The following HIVEP2 variants were observed in gnomAD, a reference collection of about 807,000 sequenced individuals.
The protein encoded by HIVEP2 is HIVEP zinc finger 2, also known as transcription factor HIVEP2.
A neutral mutation model predicts 180.7 loss-of-function variants in HIVEP2; 14 were observed. The ratio of observed to expected loss-of-function variants is 0.08; its 90% confidence interval spans 0.05 to 0.12. The LOEUF (loss-of-function observed/expected upper bound fraction) is 0.12. HIVEP2 is among the 10% of genes least tolerant of loss of function. The probability of loss-of-function intolerance (pLI) is 1.00; values close to 1 mark genes in which losing one functional copy is unlikely to be tolerated. For synonymous variants in HIVEP2, 1,184 were observed against 1,136.4 expected, an observed-to-expected ratio of 1.04 and a Z score of -0.84; for missense variants, 2,579 against 3,008.5, an observed-to-expected ratio of 0.86 and a Z score of 3.34.
chr6:142,857,864 G>A (rs561777966), intron 1 of HIVEP2, among the ~76,000 whole-genome samples: 4 of 152,186 alleles, frequency 2.6e-5, no homozygotes, highest in Admixed American at 6.5e-5. Flanking sequence ...GGGAAGCCAC[G>A]GGGCTGCGGG....
At chr6:142,944,472 T>C in intron 1 of HIVEP2, among the ~76,000 whole-genome samples, 1 of 150,086 alleles carries the variant, frequency 6.7e-6, no homozygotes, top group Non-Finnish European at 1.5e-5. Context: ...AATGTTTTCC[T>C]GTCTCACCCC....
chr6:142,899,739 T>C (rs900769767), intron 1 of HIVEP2, among the ~76,000 whole-genome samples: 3 of 152,188 alleles, frequency 2.0e-5, no homozygotes, highest in African/African-American at 7.2e-5. Flanking sequence ...TGCAGGAACA[T>C]AGCATCCTCC....
At chr6:142,756,121 G>A (rs1775061275) in intron 9 of HIVEP2, among the ~76,000 whole-genome samples, 1 of 152,194 alleles carries the variant, frequency 6.6e-6, no homozygotes, top group African/African-American at 2.4e-5. Context: ...ATACACATAT[G>A]TACAAATGTA....
chr6:142,861,735 T>C (rs954363385), intron 1 of HIVEP2, among the ~76,000 whole-genome samples: 3 of 152,172 alleles, frequency 2.0e-5, no homozygotes, highest in Non-Finnish European at 2.9e-5. Flanking sequence ...AAGTTGTCAG[T>C]CCCACACTTT....
Position 142,770,244 on chromosome 6 carries a change from C to T in HIVEP2, c.4495G>A (p.Gly1499Arg), listed in dbSNP as rs1775492206. 6 of 1,614,226 alleles carry T rather than the reference C, an allele frequency of 3.7e-6. No individual in the cohort carries two copies. Among genetic ancestry groups the T allele is most frequent in the Non-Finnish European group, 5.1e-6 (6 of 1,180,034 alleles). ...CCATCTTTTGGCTCAGAAGCACATCCTTGTCGAACCAGCTGGGGTTTCTGG... is the reference window on the plus strand; with the variant it reads ...CCATCTTTTGGCTCAGAAGCACATCTTTGTCGAACCAGCTGGGGTTTCTGG... ...RPQKPQLVRQ[G>R]CASEPKDGLQ... The change falls in exon 5 of 10, where the codon GGA becomes AGA. Residue 1499 changes from glycine (G) to arginine (R), a missense_variant. This residue lies in a region of HIVEP2 where 349 missense variants were observed against 367.2 expected (regional missense o/e 0.95). Coordinates refer to ENST00000367603, the MANE Select transcript of HIVEP2 (RefSeq NM_006734.4). The surrounding 1 kb of genome is among the most constrained non-coding windows in gnomAD (Gnocchi z 4.7).
chr6:142,770,212 C>T lies in HIVEP2; in HGVS notation c.4527G>A (p.Gln1509=), dbSNP rs779634797. ...GCGAGGAGAAGGAAGATGACCCTGA[C>T]TGCAAGCCATCTTTTGGCTCAGAAG... The part of the protein sequence containing the change: ...GCASEPKDGL[Q]SGSSSFSSLS... Residue 1509 remains glutamine (Q), a synonymous_variant, in exon 5 of 10, where the codon CAG becomes CAA. Coordinates refer to ENST00000367603, the MANE Select transcript of HIVEP2 (RefSeq NM_006734.4). This position sits in a 1 kb window ranked among gnomAD's most constrained non-coding sequence, Gnocchi z 4.7. 7 of 1,614,110 alleles carry T rather than the reference C, an allele frequency of 4.3e-6. No individual in the cohort carries two copies. Among genetic ancestry groups the T allele is most frequent in the South Asian group, 3.3e-5 (3 of 91,092 alleles).
Position 142,771,433 on chromosome 6 carries a change from G to C in HIVEP2, c.3306C>G (p.Ser1102Arg). Residue 1102 changes from serine to arginine, a missense_variant, in exon 5 of 10, where the codon AGC becomes AGG. By Grantham distance (110) the Ser-to-Arg change is moderately radical. Around this residue, in one of 11 missense-constraint regions of HIVEP2, gnomAD observed 523 missense variants for 577.0 expected, o/e 0.91. Coordinates refer to ENST00000367603, the MANE Select transcript of HIVEP2 (RefSeq NM_006734.4). This position sits in a 1 kb window ranked among gnomAD's most constrained non-coding sequence, Gnocchi z 5.4. ...GGTGCTCCAGCTGCTCTTGCTTCAC[G>C]CTCTGATCCATGCCAACCTCGCCCT... ...ISQGEVGMDQ[S>R]VKQEQLEHLH... 6.2e-7 allele frequency: 1 copy of C among 1,613,518 alleles called. No individual in the cohort carries two copies. The highest frequency in any genetic ancestry group is 8.5e-7 in the Non-Finnish European group (1 of 1,180,028).
rs1009798032 is a variant in HIVEP2 at position 142,861,631 on chromosome 6, A to G, written c.-640-24584T>C. 1.1e-4 allele frequency among the ~76,000 whole-genome samples: 17 copies of G among 152,296 alleles called. No individual in the cohort carries two copies. In the East Asian group the frequency reaches 3.1e-3, roughly 28 times the overall value. On this transcript the variant is annotated intron_variant, in intron 1 of 9. Transcript: ENST00000367603. ...GTAATATCCCAAATTTAACACTCCA[A>G]AAGAATCTGTTTGGGCTTTCTTTCC...
chr6:142,857,037 T>G (rs904331199), intron 1 of HIVEP2, among the ~76,000 whole-genome samples: 3 of 152,228 alleles, frequency 2.0e-5, no homozygotes, highest in Non-Finnish European at 4.4e-5. Context: ...TTTCTCATGT[T>G]GTTCAGAAAC....
chr6:142,858,591 TTAAA>T (rs967568888), intron 1 of HIVEP2, among the ~76,000 whole-genome samples: 7 of 152,186 alleles, frequency 4.6e-5, no homozygotes, highest in African/African-American at 1.4e-4. Context: ...TATTTTTTAA[TTAAA>T]TAAATTTTTT....
chr6:142,763,010 G>C (rs1221038964), intron 7 of HIVEP2, among the ~76,000 whole-genome samples: 3 of 152,202 alleles, frequency 2.0e-5, no homozygotes, highest in Non-Finnish European at 4.4e-5. Flanking sequence ...ACTTGTGCCA[G>C]AGTGCAAGTA....
chr6:142,805,412 C>T (rs1776523083), intron 2 of HIVEP2, among the ~76,000 whole-genome samples: 1 of 148,500 alleles, frequency 6.7e-6, no homozygotes, highest in Non-Finnish European at 1.5e-5. Context: ...AAGCCAGATC[C>T]CAACACTGCC....
At chr6:142,873,486 C>T (rs767624460) in intron 1 of HIVEP2, among the ~76,000 whole-genome samples, 3 of 152,130 alleles carry the variant, frequency 2.0e-5, no homozygotes, top group East Asian at 1.9e-4. Context: ...CTTACATATA[C>T]GAAGTGTCTT....
intron 1 of HIVEP2, among the ~76,000 whole-genome samples, chr6:142,890,425 G>C (rs1776828787): frequency 1.3e-5 from 2 of 152,174 alleles, no homozygotes; most frequent in Admixed American, 6.5e-5. Flanking sequence ...ATTCATTGAA[G>C]GTAGAAACGA....
rs369750026 is a variant in HIVEP2, at chr6:142,771,838, G to C, written c.2901C>G (p.Pro967=). The C allele has an allele frequency of 1.1e-5, 17 of 1,614,214 alleles. No homozygotes were observed. The African/African-American group carries it at 2.3e-4, about 22-fold the overall frequency. ...TGTGGGACAAGTTGCTTTCTTGGCT[G>C]GGGCTGCGGGAGAGGCCTGTGCCTG... The part of the protein sequence containing the change: ...ESTGTGLSRS[P]SQESNLSHSS... The change falls in exon 5 of 10, where the codon CCC becomes CCG. Residue 967 remains proline, a synonymous_variant. Transcript: ENST00000367603. This position sits in a 1 kb window ranked among gnomAD's most constrained non-coding sequence, Gnocchi z 5.4.
intron 1 of HIVEP2, among the ~76,000 whole-genome samples, chr6:142,857,144 G>A (rs762428125): frequency 6.6e-6 from 1 of 150,622 alleles, no homozygotes; most frequent in East Asian, 1.9e-4. Context: ...ACCAACCAGC[G>A]AATGCCAAAA....
At chr6:142,876,921 G>A (rs1776454136) in intron 1 of HIVEP2, among the ~76,000 whole-genome samples, 1 of 151,924 alleles carries the variant, frequency 6.6e-6, no homozygotes, top group Admixed American at 6.6e-5. Context: ...TGGTGGCATG[G>A]GCCTATAGTC....
At chr6:142,911,862 A>T (rs1004605815) in intron 1 of HIVEP2, among the ~76,000 whole-genome samples, 1 of 152,192 alleles carries the variant, frequency 6.6e-6, no homozygotes, top group African/African-American at 2.4e-5. Context: ...GGTATCACTG[A>T]CTAATTTAAC....
chr6:142,830,804 C>T (rs1468938718), intron 2 of HIVEP2, among the ~76,000 whole-genome samples: 1 of 152,146 alleles, frequency 6.6e-6, no homozygotes, highest in Non-Finnish European at 1.5e-5. Flanking sequence ...AAGCTCAAAG[C>T]CTGGGGTCAT....
Sources: gnomAD v4.1 joint callset for allele counts (sites outside exome capture counted in the v4.1 genomes callset) on GRCh38, gnomAD v4.1.1 for gene constraint, gnomAD v4.1.1 regional missense constraint, Gnocchi (gnomAD v3.1) non-coding constraint, MANE v1.5 for transcripts, NCBI Gene and HGNC (gene_info 2026-07-23, HGNC 2026-07-21) for gene names.